Variants in CLEC16A observed in about 807,000 individuals in gnomAD.
CLEC16A encodes the protein protein CLEC16A.
CLEC16A carries 51 observed loss-of-function variants against 109.5 expected under a neutral mutation model. The ratio of observed to expected loss-of-function variants is 0.47; its 90% CI spans 0.37 to 0.59. The LOEUF (loss-of-function observed/expected upper bound fraction) is 0.59, where lower values mean the gene tolerates loss of function less well. CLEC16A is among the 20% of genes least tolerant of loss of function. The pLI, the probability that CLEC16A is intolerant of heterozygous loss-of-function variation, is 0.00. For missense variants in CLEC16A, 1,339 were observed against 1,394.0 expected (o/e 0.96, Z 0.63); for synonymous variants, 673 against 564.2 (o/e 1.19, Z -2.73).
intron 22 of CLEC16A, among the ~76,000 whole-genome samples, chr16:11,131,168 G>A (rs1197663566): frequency 6.6e-6 from 1 of 152,218 alleles, no homozygotes; most frequent in African/African-American, 2.4e-5. Flanking sequence ...ATGTGGGGGT[G>A]GGCAGGCATG....
Position 10,954,617 on chromosome 16 carries a change from C to T in CLEC16A, c.81-3165C>T, listed in dbSNP as rs1405390857. 2.0e-5 allele frequency among the ~76,000 whole-genome samples: 3 copies of T among 152,172 alleles called. No individual in the cohort carries two copies. Among genetic ancestry groups the T allele is most frequent in the African/African-American group, 7.2e-5 (3 of 41,428 alleles). ...GTGCACAGAGGGAAAGTAACCTGCT[C>T]AGGATCACCCAGCTAATAAGTGATG... On this transcript the variant is annotated intron_variant, in intron 1 of 23. Coordinates refer to ENST00000409790, the MANE Select transcript of CLEC16A (RefSeq NM_015226.3). The surrounding 1 kb of genome is among the most constrained non-coding windows in gnomAD (Gnocchi z 4.2).
At chr16:11,093,722 A>AAGGCG (rs1342566108) in intron 19 of CLEC16A, among the ~76,000 whole-genome samples, 2 of 152,184 alleles carry the variant, frequency 1.3e-5, no homozygotes, top group Non-Finnish European at 2.9e-5. Context: ...GAGGAGGTAG[A>AAGGCG]AGGCGAGCCA....
intron 10 of CLEC16A, among the ~76,000 whole-genome samples, chr16:10,988,758 C>T (rs1342536546): frequency 6.6e-6 from 1 of 152,062 alleles, no homozygotes; most frequent in Admixed American, 6.5e-5. Context: ...TAGGTGTTCC[C>T]GGGCCTCAGT....
chr16:11,157,048 A>G, intron 22 of CLEC16A: 1 of 1,301,182 alleles, frequency 7.7e-7, no homozygotes, highest in South Asian at 1.2e-5. Flanking sequence ...AAAGCAAGAT[A>G]CTGAAAGACC....
At position 11,169,632 on chromosome 16, in the gene CLEC16A, C is replaced by T. The variant is rs944846644; in HGVS notation, c.2806+3080C>T. The stretch of plus-strand genomic sequence containing the variant: ...GGCCAGGTGTTTGGCTGGGCAAGTA[C>T]ACAAGATATGCCATCCCCCAAGTGA... On this transcript the variant is annotated intron_variant, in intron 23 of 23. Coordinates refer to ENST00000409790, the MANE Select transcript of CLEC16A (RefSeq NM_015226.3). Among the ~76,000 whole-genome samples, 4 of 152,372 alleles carry T rather than the reference C, an allele frequency of 2.6e-5. No individual in the cohort carries two copies. In the South Asian group the frequency reaches 6.2e-4, roughly 24 times the overall value.
Position 11,166,561 on chromosome 16 carries a change from C to A in CLEC16A, c.2806+9C>A. The A allele has an allele frequency of 6.3e-7, 1 of 1,577,740 alleles. No homozygotes were observed. Among genetic ancestry groups the A allele is most frequent in the Non-Finnish European group, 8.6e-7 (1 of 1,162,128 alleles). ...AGCCCAGAGTCCAGCAGGTATTGGCCACGTGACTCAGTGATATGGGGACAT... is the reference window on the plus strand; with the variant it reads ...AGCCCAGAGTCCAGCAGGTATTGGCAACGTGACTCAGTGATATGGGGACAT... On this transcript the variant is annotated intron_variant, in intron 23 of 23. Coordinates refer to ENST00000409790, the MANE Select transcript of CLEC16A (RefSeq NM_015226.3).
intron 20 of CLEC16A, among the ~76,000 whole-genome samples, chr16:11,121,216 AC>A (rs2052385210): frequency 6.6e-6 from 1 of 152,232 alleles, no homozygotes; most frequent in Non-Finnish European, 1.5e-5. Flanking sequence ...CCACATTAGT[AC>A]ACGCAGACTT....
rs199921472 is a variant in CLEC16A at position 11,157,361 on chromosome 16, A to G, written c.2642-9027A>G. The G allele has an allele frequency of 2.3e-5, 10 of 443,750 alleles. No individual in the cohort carries two copies. In the East Asian group the frequency reaches 1.0e-3, roughly 46 times the overall value. The allele number at this position is 443,750 out of a possible 1,614,324, so 27.5% of individuals were successfully genotyped here. A position where few individuals can be genotyped will look rare whatever the true frequency, so the allele number is the denominator to read the frequency against. On this transcript the variant is annotated intron_variant, in intron 22 of 23. Coordinates refer to ENST00000409790, the MANE Select transcript of CLEC16A (RefSeq NM_015226.3). ...AGACCTGCGCCCTGGGCTGGACAGG[A>G]AGTGGCTTCTTCAGCACCAGTGCAC...
chr16:10,981,512 C>A (rs1308181188), intron 9 of CLEC16A, among the ~76,000 whole-genome samples: 5 of 152,194 alleles, frequency 3.3e-5, no homozygotes, highest in African/African-American at 9.7e-5. Flanking sequence ...AATTTGAATT[C>A]TATGTATTTG....
chr16:11,171,792 C>T (rs1057073410), intron 23 of CLEC16A, among the ~76,000 whole-genome samples: 10 of 152,108 alleles, frequency 6.6e-5, no homozygotes, highest in African/African-American at 2.4e-4. Flanking sequence ...TCACACATGC[C>T]AATGCGCATG....
chr16:11,040,182 G>C (rs985706725), intron 14 of CLEC16A: 18 of 344,832 alleles, frequency 5.2e-5, no homozygotes, highest in Non-Finnish European at 9.0e-5. Context: ...CGCTATGTCT[G>C]GGTGGCCCAA....
chr16:11,062,018 G>C (rs1217796698), intron 19 of CLEC16A, among the ~76,000 whole-genome samples: 2 of 152,198 alleles, frequency 1.3e-5, no homozygotes, highest in East Asian at 1.9e-4. Flanking sequence ...ATTCTCTAAA[G>C]TCTGGGGTAG....
rs982687672 is a variant in CLEC16A at position 10,944,570 on chromosome 16, G to A, written c.-148G>A. The A allele has an allele frequency of 2.7e-6, 2 of 753,724 alleles. No homozygotes were observed. Among genetic ancestry groups the A allele is most frequent in the African/African-American group, 3.6e-5 (2 of 56,330 alleles). 46.7% of individuals were successfully genotyped at this position (753,724 alleles called of 1,614,324 possible). On this transcript the variant is annotated 5_prime_UTR_variant, in exon 1 of 24. Coordinates refer to ENST00000409790, the MANE Select transcript of CLEC16A (RefSeq NM_015226.3). ...CCGGTTCCGGCTGAATGTCAGTGCT[G>A]GGCTGTGGGCCGGGGAGGAAGGCGG...
At chr16:11,014,198 T>C (rs545129378) in intron 11 of CLEC16A, among the ~76,000 whole-genome samples, 1 of 152,352 alleles carries the variant, frequency 6.6e-6, no homozygotes, top group Admixed American at 6.5e-5. Context: ...TTTTCTTCTT[T>C]TCCTTTCTTA....
In CLEC16A at chr16:11,008,954, G is replaced by A. The variant is rs112290407; in HGVS notation, c.1303+5649G>A. ...GCGGAGCTTGCAGTGAGCCGAGATC[G>A]CGCCACTGCACTCCAGCCTGGGCAG... On this transcript the variant is annotated intron_variant, in intron 11 of 23. Transcript: ENST00000409790. 1.1e-4 allele frequency among the ~76,000 whole-genome samples: 16 copies of A among 152,070 alleles called. No homozygotes were observed. In the South Asian group the frequency reaches 1.2e-3, roughly 12 times the overall value.
At chr16:11,003,327 G>A (rs201116708) in intron 11 of CLEC16A, 22 bp downstream of exon 11, 63 of 1,593,400 alleles carry the variant, frequency 4.0e-5, no homozygotes, top group South Asian at 2.7e-4. Flanking sequence ...CATGAACGCC[G>A]CCCTGTGCCT....
intron 19 of CLEC16A, among the ~76,000 whole-genome samples, chr16:11,074,312 T>C (rs1355092164): frequency 6.6e-6 from 1 of 152,238 alleles, no homozygotes; most frequent in East Asian, 1.9e-4. Flanking sequence ...ATTAAACTTC[T>C]TCCCTGTGTA....
chr16:11,135,073 A>G (rs1209920093), intron 22 of CLEC16A, among the ~76,000 whole-genome samples: 1 of 152,270 alleles, frequency 6.6e-6, no homozygotes, highest in Non-Finnish European at 1.5e-5. Flanking sequence ...GTGCATGAAC[A>G]AAAAGCAGAA....
chr16:10,973,410 A>G (rs1255692401), intron 7 of CLEC16A, among the ~76,000 whole-genome samples: 1 of 152,174 alleles, frequency 6.6e-6, no homozygotes, highest in Non-Finnish European at 1.5e-5. Flanking sequence ...AAAAGGAATG[A>G]AGTGCTGACA....
Sources: allele counts gnomAD v4.1 joint callset (sites outside exome capture counted in the v4.1 genomes callset), GRCh38; gene constraint gnomAD v4.1.1; non-coding constraint Gnocchi (gnomAD v3.1); transcripts MANE v1.5; gene names NCBI Gene and HGNC (gene_info 2026-07-23, HGNC 2026-07-21).